The following DPYD variants were observed in gnomAD, a reference collection of about 807,000 sequenced individuals.
DPYD encodes the protein dihydropyrimidine dehydrogenase [NADP(+)].
Under a neutral mutation model 116.2 loss-of-function variants are expected in DPYD, and 109 were observed. The observed-to-expected ratio is 0.94, with a 90% CI of 0.80 to 1.10. The LOEUF is 1.10. DPYD is among the 50% of genes least tolerant of loss of function. The pLI is 0.00. For synonymous variants in DPYD, 440 were observed against 432.0 expected, an observed-to-expected ratio of 1.02 and a Z score of -0.23; for missense variants, 1,302 against 1,254.5, an observed-to-expected ratio of 1.04 and a Z score of -0.57.
Position 97,406,243 on chromosome 1 carries a change from C to T in DPYD, c.1906-23782G>A, listed in dbSNP as rs1349092120. 3.3e-5 allele frequency among the ~76,000 whole-genome samples: 5 copies of T among 149,728 alleles called. No individual in the cohort carries two copies. The East Asian group carries it at 9.8e-4, about 29-fold the overall frequency. Reference sequence around the variant, plus strand: ...CCTAAGTCCTCCCATCTCTTACAATCTAAGAAGAGCTGTTGGTTTTTAGTC... The same window carrying T: ...CCTAAGTCCTCCCATCTCTTACAATTTAAGAAGAGCTGTTGGTTTTTAGTC... On this transcript the variant is annotated intron_variant, in intron 14 of 22. Transcript: ENST00000370192.
intron 14 of DPYD, among the ~76,000 whole-genome samples, chr1:97,427,195 GATTA>G (rs1035628563): frequency 6.6e-5 from 10 of 151,978 alleles, no homozygotes; most frequent in African/African-American, 2.4e-4. Context: ...TTGTTTTTGA[GATTA>G]ATTATCTGTT....
At chr1:97,153,245 T>G (rs570604612) in intron 20 of DPYD, among the ~76,000 whole-genome samples, 25 of 152,172 alleles carry the variant, frequency 1.6e-4, no homozygotes, top group African/African-American at 5.3e-4. Context: ...GGAACAGGAT[T>G]TAGGTTCAGA....
chr1:97,557,176 GTCCT>G (rs1248115040), intron 11 of DPYD, among the ~76,000 whole-genome samples: 1 of 150,954 alleles, frequency 6.6e-6, no homozygotes, highest in Non-Finnish European at 1.5e-5. Flanking sequence ...GTCTGTTCAT[GTCCT>G]TCGCCCACTT....
chr1:97,578,796 T>C (rs892606435), intron 10 of DPYD, among the ~76,000 whole-genome samples: 2 of 152,130 alleles, frequency 1.3e-5, no homozygotes, highest in South Asian at 2.1e-4. Context: ...TTACAGGTAC[T>C]ATAAAATCAT....
chr1:97,501,229 A>G (rs545935897), intron 13 of DPYD, among the ~76,000 whole-genome samples: 2 of 152,228 alleles, frequency 1.3e-5, no homozygotes, highest in East Asian at 3.9e-4. Flanking sequence ...GAAGTCTAAC[A>G]TTAAAACTAC....
intron 2 of DPYD, among the ~76,000 whole-genome samples, chr1:97,873,651 T>C (rs1346479522): frequency 6.6e-6 from 1 of 151,862 alleles, no homozygotes; most frequent in East Asian, 1.9e-4. Context: ...GTATTTCCCA[T>C]TAATAAAAAG....
chr1:97,136,767 C>G (rs1653836192), intron 20 of DPYD, among the ~76,000 whole-genome samples: 1 of 152,026 alleles, frequency 6.6e-6, no homozygotes, highest in African/African-American at 2.4e-5. Flanking sequence ...TAAATGACAC[C>G]TTTAAAGAAG....
intron 5 of DPYD, among the ~76,000 whole-genome samples, chr1:97,709,543 C>T (rs1055018668): frequency 1.3e-5 from 2 of 151,498 alleles, no homozygotes; most frequent in South Asian, 4.2e-4. Context: ...TGTATTTCAC[C>T]ACTCCAAATT....
intron 21 of DPYD, among the ~76,000 whole-genome samples, chr1:97,093,190 ATCTG>A (rs2101582941): frequency 6.6e-6 from 1 of 152,294 alleles, no homozygotes; most frequent in Admixed American, 6.5e-5. Context: ...ATTCCTTAAT[ATCTG>A]TCTCTTTCTA....
At chr1:97,204,793 T>C (rs188321655) in intron 19 of DPYD, among the ~76,000 whole-genome samples, 1 of 152,220 alleles carries the variant, frequency 6.6e-6, no homozygotes, top group East Asian at 1.9e-4. Flanking sequence ...TTTAACATTC[T>C]GGTCTTTCAG....
chr1:97,207,810 G>T (rs12093238), intron 19 of DPYD, among the ~76,000 whole-genome samples: 1 of 151,970 alleles, frequency 6.6e-6, no homozygotes, highest in Admixed American at 6.6e-5. Flanking sequence ...TCTGCATCAC[G>T]CACCAATAGA....
chr1:97,693,672 A>G (rs141047947), intron 6 of DPYD, among the ~76,000 whole-genome samples: 7 of 152,318 alleles, frequency 4.6e-5, no homozygotes, highest in African/African-American at 1.4e-4. Context: ...CAGATCCTCA[A>G]AAGGTTGAAC....
intron 14 of DPYD, among the ~76,000 whole-genome samples, chr1:97,439,166 T>C (rs1675621283): frequency 6.6e-6 from 1 of 152,166 alleles, no homozygotes; most frequent in Admixed American, 6.5e-5. Context: ...TATCACTATT[T>C]AGTTTATAAC....
At chr1:97,513,245 G>A (rs1284847530) in intron 13 of DPYD, among the ~76,000 whole-genome samples, 1 of 151,134 alleles carries the variant, frequency 6.6e-6, no homozygotes, top group Admixed American at 6.6e-5. Context: ...ATAAAAAAAG[G>A]GAAACAAAGT....
At chr1:97,481,414 T>C (rs1265569155) in intron 13 of DPYD, among the ~76,000 whole-genome samples, 1 of 152,208 alleles carries the variant, frequency 6.6e-6, no homozygotes, top group African/African-American at 2.4e-5. Context: ...ATTGAAAATA[T>C]ATATACTTTT....
intron 13 of DPYD, among the ~76,000 whole-genome samples, chr1:97,463,833 T>G (rs1038872718): frequency 4.6e-5 from 7 of 152,142 alleles, no homozygotes; most frequent in African/African-American, 1.7e-4. Flanking sequence ...AGAGAGATGA[T>G]TTAGGGTATC....
At chr1:97,764,963 C>T (rs1388322867) in intron 3 of DPYD, among the ~76,000 whole-genome samples, 1 of 152,106 alleles carries the variant, frequency 6.6e-6, no homozygotes, top group African/African-American at 2.4e-5. Flanking sequence ...TCTACGTGAA[C>T]TAATATTCTC....
intron 16 of DPYD, among the ~76,000 whole-genome samples, chr1:97,369,416 A>G (rs1012199866): frequency 2.6e-5 from 4 of 152,198 alleles, no homozygotes; most frequent in African/African-American, 4.8e-5. Context: ...ATTTTCAGTT[A>G]ACAATACTGA....
chr1:97,630,328 C>A (rs1415510965), intron 8 of DPYD, among the ~76,000 whole-genome samples: 1 of 151,748 alleles, frequency 6.6e-6, no homozygotes, highest in African/African-American at 2.4e-5. Context: ...TTTGTTTTTA[C>A]CTCCAAAACT....
Sources: allele counts gnomAD v4.1 joint callset (sites outside exome capture counted in the v4.1 genomes callset), GRCh38; gene constraint gnomAD v4.1.1; transcripts MANE v1.5; gene names NCBI Gene and HGNC (gene_info 2026-07-23, HGNC 2026-07-21).